PDE3A: variants seen among roughly 807,000 people sequenced by gnomAD.
PDE3A encodes the protein phosphodiesterase 3A.
PDE3A carries 43 observed loss-of-function variants against 98.3 expected under a neutral mutation model. That is an observed-to-expected ratio of 0.44 (90% CI 0.34 to 0.56). The LOEUF is 0.56. Among genes scored for constraint, PDE3A ranks in the 20% least tolerant of loss-of-function variants. The pLI, the probability that PDE3A is intolerant of heterozygous loss-of-function variation, is 0.01. For missense variants in PDE3A, 1,427 were observed against 1,440.7 expected (o/e 0.99, Z 0.15); for synonymous variants, 663 against 567.9 (o/e 1.17, Z -2.38).
At chr12:20,631,127 T>C (rs1009010653) in intron 6 of PDE3A, among the ~76,000 whole-genome samples, 1 of 152,170 alleles carries the variant, frequency 6.6e-6, no homozygotes, top group African/African-American at 2.4e-5. Context: ...TTTACCGGCA[T>C]TTTTACATGA....
chr12:20,441,550 A>G (rs900894792), intron 1 of PDE3A, among the ~76,000 whole-genome samples: 3 of 152,242 alleles, frequency 2.0e-5, no homozygotes, highest in African/African-American at 7.2e-5. Flanking sequence ...CCTAAGAAGT[A>G]GAAATGTATG....
intron 2 of PDE3A, among the ~76,000 whole-genome samples, chr12:20,580,092 T>G (rs1943030682): frequency 6.6e-6 from 1 of 152,132 alleles, no homozygotes; most frequent in South Asian, 2.1e-4. Context: ...TCAATTAAAA[T>G]TGTATAGTTA....
At chr12:20,666,808 T>C (rs565492314) in intron 15 of PDE3A, among the ~76,000 whole-genome samples, 170 of 152,364 alleles carry the variant, frequency 1.1e-3, no homozygotes, top group African/African-American at 4.0e-3. Flanking sequence ...GTGGGATTGC[T>C]AGATCATATG....
chr12:20,620,982 T>A lies in PDE3A; in HGVS notation c.1425-314T>A, dbSNP rs193092118. Reference sequence around the variant, plus strand: ...ATCTGTAAGCCTCTTTTAGAAAATCTGTGAGGAACGTAATTTTAGAGTACA... The same window carrying A: ...ATCTGTAAGCCTCTTTTAGAAAATCAGTGAGGAACGTAATTTTAGAGTACA... On this transcript the variant is annotated intron_variant, in intron 4 of 15. Transcript: ENST00000359062. Among the ~76,000 whole-genome samples, 4 of 152,208 alleles carry A rather than the reference T, an allele frequency of 2.6e-5. No homozygotes were observed. The East Asian group carries it at 7.7e-4, about 29-fold the overall frequency.
chr12:20,604,145 G>T (rs1275883073), intron 2 of PDE3A, among the ~76,000 whole-genome samples: 2 of 151,430 alleles, frequency 1.3e-5, no homozygotes, highest in African/African-American at 4.9e-5. Flanking sequence ...CTCCAGCCTG[G>T]GCCATAGAGC....
chr12:20,388,105 T>C (rs1943845257), intron 1 of PDE3A, among the ~76,000 whole-genome samples: 1 of 152,056 alleles, frequency 6.6e-6, no homozygotes, highest in African/African-American at 2.4e-5. Flanking sequence ...CACAGAATAT[T>C]TATTAGGGCC....
At chr12:20,569,621 G>A (rs189427305) in intron 2 of PDE3A, among the ~76,000 whole-genome samples, 1 of 152,230 alleles carries the variant, frequency 6.6e-6, no homozygotes, top group Non-Finnish European at 1.5e-5. Flanking sequence ...AGAAGAATAT[G>A]TAGCTAATGT....
intron 1 of PDE3A, among the ~76,000 whole-genome samples, chr12:20,467,606 C>T (rs1945360681): frequency 6.6e-6 from 1 of 151,954 alleles, no homozygotes; most frequent in Non-Finnish European, 1.5e-5. Context: ...AAGATATCTA[C>T]TTTATTCTGA....
intron 1 of PDE3A, among the ~76,000 whole-genome samples, chr12:20,483,375 G>T (rs549431791): frequency 6.6e-6 from 1 of 152,040 alleles, no homozygotes; most frequent in African/African-American, 2.4e-5. Flanking sequence ...TTGACATAGC[G>T]ACACTCCATC....
chr12:20,540,133 T>A (rs2121215789), intron 1 of PDE3A, among the ~76,000 whole-genome samples: 1 of 152,254 alleles, frequency 6.6e-6, no homozygotes, highest in South Asian at 2.1e-4. Context: ...GGATTCAATT[T>A]TTAACCACAT....
intron 2 of PDE3A, among the ~76,000 whole-genome samples, chr12:20,575,061 ATTAT>A (rs1942898414): frequency 6.6e-6 from 1 of 152,050 alleles, no homozygotes; most frequent in South Asian, 2.1e-4. Flanking sequence ...AGTAAGACAA[ATTAT>A]TTGTCTTAAG....
At chr12:20,446,701 A>G (rs1334049782) in intron 1 of PDE3A, among the ~76,000 whole-genome samples, 2 of 152,220 alleles carry the variant, frequency 1.3e-5, no homozygotes, top group African/African-American at 4.8e-5. Context: ...TTAAAATTTC[A>G]TTCTAACAGC....
At chr12:20,507,470 T>A (rs1257999386) in intron 1 of PDE3A, among the ~76,000 whole-genome samples, 1 of 152,032 alleles carries the variant, frequency 6.6e-6, no homozygotes, top group Non-Finnish European at 1.5e-5. Context: ...AACTAGAAAT[T>A]AAGTGGCAGA....
At chr12:20,428,323 A>T (rs910198025) in intron 1 of PDE3A, among the ~76,000 whole-genome samples, 1 of 152,192 alleles carries the variant, frequency 6.6e-6, no homozygotes, top group African/African-American at 2.4e-5. Context: ...TCTGTCGCCC[A>T]GGCTGGAGTG....
rs536510095 is a variant in PDE3A, at chr12:20,652,037, C to T, written c.2925+1437C>T. ...TGCGGTGTTTGGTTTTTTGTCCTTGCGATAGTTTGCTGAGAATGATGGTTT... is the reference window on the plus strand; with the variant it reads ...TGCGGTGTTTGGTTTTTTGTCCTTGTGATAGTTTGCTGAGAATGATGGTTT... On this transcript the variant is annotated intron_variant, in intron 14 of 15. Coordinates refer to ENST00000359062, the MANE Select transcript of PDE3A (RefSeq NM_000921.5). Among the ~76,000 whole-genome samples, 176 of 151,740 alleles carry T rather than the reference C, an allele frequency of 1.2e-3. 1 individual carries two copies. Among genetic ancestry groups the T allele is most frequent in the African/African-American group, 3.7e-3 (155 of 41,370 alleles).
At chr12:20,470,737 T>C (rs190877137) in intron 1 of PDE3A, among the ~76,000 whole-genome samples, 56 of 150,606 alleles carry the variant, frequency 3.7e-4, no homozygotes, top group African/African-American at 1.4e-3. Context: ...TCTAAAACTT[T>C]CACAGTGCAA....
At chr12:20,445,625 G>A (rs1041815488) in intron 1 of PDE3A, among the ~76,000 whole-genome samples, 7 of 152,152 alleles carry the variant, frequency 4.6e-5, no homozygotes, top group Non-Finnish European at 1.0e-4. Context: ...TTCTTTAAAA[G>A]TTAACAAAAT....
At chr12:20,573,822 G>C (rs562338863) in intron 2 of PDE3A, among the ~76,000 whole-genome samples, 2 of 152,082 alleles carry the variant, frequency 1.3e-5, no homozygotes, top group African/African-American at 4.8e-5. Context: ...TATAAATTGA[G>C]TCTCAGAAAT....
At chr12:20,445,646 T>C (rs1046082406) in intron 1 of PDE3A, among the ~76,000 whole-genome samples, 2 of 152,162 alleles carry the variant, frequency 1.3e-5, no homozygotes, top group African/African-American at 4.8e-5. Context: ...TTTGGAACGA[T>C]CAAGGAACAT....
Sources: allele counts gnomAD v4.1 joint callset (sites outside exome capture counted in the v4.1 genomes callset), GRCh38; gene constraint gnomAD v4.1.1; transcripts MANE v1.5; gene names NCBI Gene and HGNC (gene_info 2026-07-23, HGNC 2026-07-21).